GAS7: variants seen among roughly 807,000 people sequenced by gnomAD.
The protein encoded by GAS7 is growth arrest specific 7.
In GAS7, 28 loss-of-function variants were observed where a neutral mutation model predicts 71.1. That is an observed-to-expected ratio of 0.39 (90% confidence interval 0.29 to 0.54). GAS7 has a LOEUF of 0.54. Among genes scored for constraint, GAS7 ranks in the 20% least tolerant of loss-of-function variants. The pLI, the probability that GAS7 is intolerant of heterozygous loss-of-function variation, is 0.62. For synonymous variants in GAS7, 258 were observed against 245.8 expected (o/e 1.05, Z -0.46); for missense variants, 436 against 627.8 (o/e 0.69, Z 3.27).
chr17:9,984,055 A>C (rs1320953823), intron 2 of GAS7, among the ~76,000 whole-genome samples: 1 of 152,176 alleles, frequency 6.6e-6, no homozygotes, highest in Non-Finnish European at 1.5e-5. Flanking sequence ...GCCCACATAC[A>C]TGCCTCTAGC....
At chr17:9,970,398 G>A (rs2069911333) in intron 3 of GAS7, among the ~76,000 whole-genome samples, 1 of 152,190 alleles carries the variant, frequency 6.6e-6, no homozygotes, top group African/African-American at 2.4e-5. Flanking sequence ...GTGAGGCCGA[G>A]GTGGGCGGAT....
chr17:10,160,163 C>CCCAAGGT (rs1363884394), intron 1 of GAS7, among the ~76,000 whole-genome samples: 1 of 152,182 alleles, frequency 6.6e-6, no homozygotes, highest in African/African-American at 2.4e-5. Context: ...ACCTCAGCCT[C>CCCAAGGT]CCAAGGTGCT....
At chr17:9,920,184 T>C (rs867147917) in intron 11 of GAS7, among the ~76,000 whole-genome samples, 1 of 146,928 alleles carries the variant, frequency 6.8e-6, no homozygotes, top group African/African-American at 2.6e-5. Flanking sequence ...ATCATGTAAG[T>C]GTGTGTGTGT....
At chr17:10,109,343 A>G (rs943605550) in intron 1 of GAS7, among the ~76,000 whole-genome samples, 8 of 152,208 alleles carry the variant, frequency 5.3e-5, no homozygotes, top group African/African-American at 1.9e-4. Context: ...ACTTAAGGTA[A>G]CATAATAACC....
chr17:10,021,514 T>C (rs1452716404), intron 1 of GAS7, among the ~76,000 whole-genome samples: 2 of 152,212 alleles, frequency 1.3e-5, no homozygotes, highest in East Asian at 3.9e-4. Context: ...ACAATGCATT[T>C]TCACAACTTA....
At position 9,956,546 on chromosome 17, in the gene GAS7, C is replaced by T. The variant is rs138032497; in HGVS notation, c.525+2656G>A. 2.1e-3 allele frequency among the ~76,000 whole-genome samples: 313 copies of T among 152,240 alleles called. 2 individuals are homozygous for T. The highest frequency in any genetic ancestry group is 4.1e-4 in the Non-Finnish European group (28 of 68,012). ...AGGGCTGTGAGCTGCCATGAGCACC[C>T]GTCACTCCCAATCAAACAGCACACT... On this transcript the variant is annotated intron_variant, in intron 5 of 13. Transcript: ENST00000432992.
rs1344627901 is a variant in GAS7, at chr17:10,034,934, CA to C, written c.184-15038del. ...GAATCCTGGGCTTCTGTCTCTGCATCACCCTGGATGCACCAAAGGCGGGTTC... is the reference window on the plus strand; with the variant it reads ...GAATCCTGGGCTTCTGTCTCTGCATCCCCTGGATGCACCAAAGGCGGGTTC... On this transcript the variant is annotated intron_variant, in intron 1 of 13. Coordinates refer to ENST00000432992, the MANE Select transcript of GAS7 (RefSeq NM_201433.2). The surrounding 1 kb of genome is among the most constrained non-coding windows in gnomAD (Gnocchi z 4.4). 7.4e-4 allele frequency among the ~76,000 whole-genome samples: 112 copies of C among 152,302 alleles called. No homozygotes were observed. Among genetic ancestry groups the C allele is most frequent in the Non-Finnish European group, 1.9e-4 (13 of 68,030 alleles).
intron 4 of GAS7, among the ~76,000 whole-genome samples, chr17:9,963,346 T>C (rs924642590): frequency 6.6e-6 from 1 of 152,188 alleles, no homozygotes; most frequent in African/African-American, 2.4e-5. Flanking sequence ...GATGAAAATG[T>C]TCTAAAATAG....
At chr17:10,059,705 T>A in intron 1 of GAS7, 23 of 985,392 alleles carry the variant, frequency 2.3e-5, no homozygotes, top group Non-Finnish European at 2.8e-5. Context: ...AGCCTTGTGG[T>A]GTGTCCTTAT....
chr17:10,013,342 A>G (rs79086644), intron 2 of GAS7, among the ~76,000 whole-genome samples: 1 of 152,214 alleles, frequency 6.6e-6, no homozygotes, highest in Non-Finnish European at 1.5e-5. Context: ...AGACTAAGAC[A>G]GTCTCCTTAA....
intron 8 of GAS7, among the ~76,000 whole-genome samples, chr17:9,939,659 G>C (rs1489979923): frequency 2.0e-5 from 3 of 151,962 alleles, no homozygotes; most frequent in African/African-American, 7.3e-5. Flanking sequence ...GCCCAGGCTG[G>C]AGTGCAGTGG....
At chr17:10,174,746 G>A (rs2074360754) in intron 1 of GAS7, among the ~76,000 whole-genome samples, 1 of 152,064 alleles carries the variant, frequency 6.6e-6, no homozygotes, top group South Asian at 2.1e-4. Context: ...CCCAGAGTGA[G>A]GAATTTGACT....
At chr17:9,990,198 G>C (rs965778064) in intron 2 of GAS7, among the ~76,000 whole-genome samples, 1 of 152,192 alleles carries the variant, frequency 6.6e-6, no homozygotes, top group South Asian at 2.1e-4. Context: ...GAACCCGGGA[G>C]GCAGAGCTTG....
chr17:10,005,113 G>A (rs1029017678), intron 2 of GAS7, among the ~76,000 whole-genome samples: 8 of 147,230 alleles, frequency 5.4e-5, no homozygotes, highest in South Asian at 4.3e-4. Flanking sequence ...ATGTGTGTGC[G>A]TGTGCACGCA....
At chr17:9,917,483 C>G in intron 13 of GAS7, 142 bp from the exon 14 acceptor site, 1 of 641,344 alleles carries the variant, frequency 1.6e-6, no homozygotes, top group South Asian at 1.8e-5. Context: ...GGAGGCCCAT[C>G]TGAGGGACAG....
At chr17:10,048,268 A>T (rs1027804715) in intron 1 of GAS7, among the ~76,000 whole-genome samples, 1 of 152,118 alleles carries the variant, frequency 6.6e-6, no homozygotes, top group South Asian at 2.1e-4. Context: ...CGCCATTGCA[A>T]CCTCGCGCCA....
chr17:9,988,273 C>T (rs1289294563), intron 2 of GAS7, among the ~76,000 whole-genome samples: 1 of 152,192 alleles, frequency 6.6e-6, no homozygotes, highest in Non-Finnish European at 1.5e-5. Context: ...TTTTTCTAGT[C>T]AGATGGCAGC....
At chr17:10,166,655 T>G (rs1328153866) in intron 1 of GAS7, among the ~76,000 whole-genome samples, 1 of 152,252 alleles carries the variant, frequency 6.6e-6, no homozygotes, top group Non-Finnish European at 1.5e-5. Flanking sequence ...ATTTGGAATT[T>G]TGTTATACAT....
intron 8 of GAS7, 41 bp downstream of exon 8, chr17:9,940,085 C>G (rs201448488): frequency 9.2e-7 from 1 of 1,088,496 alleles, no homozygotes; most frequent in African/African-American, 1.5e-5. Flanking sequence ...CCTCAGTGAC[C>G]CCCCATCCTC....
Sources: gnomAD v4.1 joint callset for allele counts (sites outside exome capture counted in the v4.1 genomes callset) on GRCh38, gnomAD v4.1.1 for gene constraint, Gnocchi (gnomAD v3.1) non-coding constraint, MANE v1.5 for transcripts, NCBI Gene and HGNC (gene_info 2026-07-23, HGNC 2026-07-21) for gene names.